JAKMIP1: variants seen among roughly 807,000 people sequenced by gnomAD.
JAKMIP1 encodes the protein janus kinase and microtubule-interacting protein 1.
A neutral mutation model predicts 113.0 loss-of-function variants in JAKMIP1; 33 were observed. The observed-to-expected ratio is 0.29, with a 90% CI of 0.22 to 0.39. The LOEUF is 0.39. JAKMIP1 is among the 10% of genes least tolerant of loss of function. JAKMIP1 has a pLI of 1.00. For missense variants in JAKMIP1, 813 were observed against 1,080.5 expected, an observed-to-expected ratio of 0.75 and a Z score of 3.47; for synonymous variants, 480 against 459.9, an observed-to-expected ratio of 1.04 and a Z score of -0.56.
chr4:6,090,305 C>T (rs973670708), intron 3 of JAKMIP1, among the ~76,000 whole-genome samples: 1 of 152,006 alleles, frequency 6.6e-6, no homozygotes, highest in Non-Finnish European at 1.5e-5. Flanking sequence ...TGAAGTGGTG[C>T]GACTGCAAGT....
At position 6,138,648 on chromosome 4, in the gene JAKMIP1, A is replaced by G. The variant is rs1560256884; in HGVS notation, c.-147-25651T>C. Among the ~76,000 whole-genome samples the G allele has an allele frequency of 6.6e-6, 1 of 152,068 alleles. No homozygotes were observed. Among genetic ancestry groups the G allele is most frequent in the Non-Finnish European group, 1.5e-5 (1 of 68,022 alleles). On this transcript the variant is annotated intron_variant, in intron 1 of 20. Coordinates refer to ENST00000409021, the MANE Select transcript of JAKMIP1 (RefSeq NM_001099433.2). The surrounding 1 kb of genome is among the most constrained non-coding windows in gnomAD (Gnocchi z 6.0). ...ACAGACAGACCCTCCACACACCTAC[A>G]TCCACTGGCAGAACTTCACGTTCTA...
At chr4:6,104,674 G>A (rs974262402) in intron 3 of JAKMIP1, among the ~76,000 whole-genome samples, 3 of 152,316 alleles carry the variant, frequency 2.0e-5, no homozygotes, top group African/African-American at 4.8e-5. Context: ...TGTGACAAAC[G>A]CCCTGAGGGG....
rs765291932 is a variant in JAKMIP1, at chr4:6,064,861, T to A, written c.1431+19A>T. The A allele has an allele frequency of 6.2e-7, 1 of 1,613,750 alleles. No individual in the cohort carries two copies. The highest frequency in any genetic ancestry group is 8.5e-7 in the Non-Finnish European group (1 of 1,179,970). On this transcript the variant is annotated intron_variant, in intron 9 of 20. Coordinates refer to ENST00000409021, the MANE Select transcript of JAKMIP1 (RefSeq NM_001099433.2). This position sits in a 1 kb window ranked among gnomAD's most constrained non-coding sequence, Gnocchi z 4.3. Reference sequence around the variant, plus strand: ...GAGCATCTGGGGTGAGGTCCCGCCCTCTCTGCAGGTTTGCTTACATCGTCC... The same window carrying A: ...GAGCATCTGGGGTGAGGTCCCGCCCACTCTGCAGGTTTGCTTACATCGTCC...
chr4:6,148,142 A>C (rs1285491319), intron 1 of JAKMIP1, among the ~76,000 whole-genome samples: 1 of 152,222 alleles, frequency 6.6e-6, no homozygotes, highest in African/African-American at 2.4e-5. Context: ...AGCTTTCTGA[A>C]GATGTCCTGG....
chr4:6,046,507 C>T (rs1012006331), intron 16 of JAKMIP1, among the ~76,000 whole-genome samples: 1 of 152,056 alleles, frequency 6.6e-6, no homozygotes, highest in Non-Finnish European at 1.5e-5. Flanking sequence ...TGGCACAGCT[C>T]TCTAGCACGT....
intron 1 of JAKMIP1, among the ~76,000 whole-genome samples, chr4:6,182,141 G>A (rs755716526): frequency 4.6e-5 from 7 of 152,060 alleles, no homozygotes; most frequent in Non-Finnish European, 8.8e-5. Context: ...AACCAGGCTC[G>A]GTGGCTCACA....
At chr4:6,190,021 C>A (rs1727076682) in intron 1 of JAKMIP1, among the ~76,000 whole-genome samples, 1 of 152,198 alleles carries the variant, frequency 6.6e-6, no homozygotes, top group African/African-American at 2.4e-5. Context: ...TGCCCCTGGG[C>A]CTGTCTGAAT....
At position 6,158,329 on chromosome 4, in the gene JAKMIP1, G is replaced by A. The variant is rs1722503498; in HGVS notation, c.-148+41924C>T. 6.6e-6 allele frequency among the ~76,000 whole-genome samples: 1 copy of A among 152,212 alleles called. No individual in the cohort carries two copies. The highest frequency in any genetic ancestry group is 1.5e-5 in the Non-Finnish European group (1 of 68,032). ...ATCATAGGGATGGTAGTGGGATGGG[G>A]TGGTGTCTGCCTCCCAGTCTGTATC... On this transcript the variant is annotated intron_variant, in intron 1 of 20. Transcript: ENST00000409021. The surrounding 1 kb of genome is among the most constrained non-coding windows in gnomAD (Gnocchi z 5.3).
intron 1 of JAKMIP1, among the ~76,000 whole-genome samples, chr4:6,152,562 T>C (rs777281783): frequency 6.6e-6 from 1 of 152,148 alleles, no homozygotes; most frequent in Non-Finnish European, 1.5e-5. Context: ...ATGTGACCCT[T>C]TAACCCCTAT....
In JAKMIP1 at chr4:6,139,557, G is replaced by C. The variant is rs1411163026; in HGVS notation, c.-147-26560C>G. 6.6e-6 allele frequency among the ~76,000 whole-genome samples: 1 copy of C among 151,978 alleles called. No homozygotes were observed. Among genetic ancestry groups the C allele is most frequent in the Non-Finnish European group, 1.5e-5 (1 of 68,018 alleles). On this transcript the variant is annotated intron_variant, in intron 1 of 20. Coordinates refer to ENST00000409021, the MANE Select transcript of JAKMIP1 (RefSeq NM_001099433.2). The surrounding 1 kb of genome is among the most constrained non-coding windows in gnomAD (Gnocchi z 5.2). ...CTGAGGCAGGCGGATCACAAAGTCA[G>C]GAGTTCGAGACCAACCTGGCCAACA... is the stretch of plus-strand genomic sequence containing the variant.
chr4:6,079,064 C>G lies in JAKMIP1; in HGVS notation c.1243-66G>C, dbSNP rs1411091695. ...ACATCTCACAAACCAAAGCCACTGG[C>G]TCTCAAAGGGAGCTGGGCCTGCCCA... On this transcript the variant is annotated intron_variant, in intron 7 of 20. Transcript: ENST00000409021. 3.2e-6 allele frequency: 5 copies of G among 1,575,036 alleles called. No homozygotes were observed. The Admixed American group carries it at 8.4e-5, about 27-fold the overall frequency.
At chr4:6,125,754 ACACACG>A (rs1482840418) in intron 1 of JAKMIP1, among the ~76,000 whole-genome samples, 2 of 143,082 alleles carry the variant, frequency 1.4e-5, no homozygotes, top group Admixed American at 7.0e-5. Flanking sequence ...ATACAGAAAC[ACACACG>A]CACACCATAC....
intron 20 of JAKMIP1, among the ~76,000 whole-genome samples, chr4:6,026,866 A>ATTTTT (rs370379960): frequency 0.018 from 2,493 of 140,506 alleles, 34 homozygotes; most frequent in Non-Finnish European, 0.03. Flanking sequence ...ATTTCTTTGC[A>ATTTTT]TTTTTTTTTT....
intron 3 of JAKMIP1, among the ~76,000 whole-genome samples, chr4:6,090,326 C>T (rs953515861): frequency 9.1e-4 from 138 of 152,216 alleles, no homozygotes; most frequent in African/African-American, 3.1e-3. Flanking sequence ...CAAGAAATGC[C>T]GAGGACTGCC....
At position 6,140,295 on chromosome 4, in the gene JAKMIP1, G is replaced by A. The variant is rs1012169210; in HGVS notation, c.-147-27298C>T. Reference sequence around the variant, plus strand: ...TGGGGAGGGACTTTCACCAACATTTGTGTGATACACATCTTCCCACATAAA... The same window carrying A: ...TGGGGAGGGACTTTCACCAACATTTATGTGATACACATCTTCCCACATAAA... On this transcript the variant is annotated intron_variant, in intron 1 of 20. Transcript: ENST00000409021. This position sits in a 1 kb window ranked among gnomAD's most constrained non-coding sequence, Gnocchi z 9.4. Among the ~76,000 whole-genome samples, 10 of 129,448 alleles carry A rather than the reference G, an allele frequency of 7.7e-5. No homozygotes were observed. Among genetic ancestry groups the A allele is most frequent in the Non-Finnish European group, 1.6e-4 (10 of 61,756 alleles). The allele number at this position is 129,448 out of a possible 152,430, so 84.9% of individuals were successfully genotyped here. A position where few individuals can be genotyped will look rare whatever the true frequency, so the allele number is the denominator to read the frequency against.
rs773918101 is a variant in JAKMIP1 at position 6,188,119 on chromosome 4, A to G, written c.-148+12134T>C. Among the ~76,000 whole-genome samples the G allele has an allele frequency of 7.2e-5, 11 of 152,130 alleles. No homozygotes were observed. Among genetic ancestry groups the G allele is most frequent in the Non-Finnish European group, 1.3e-4 (9 of 68,020 alleles). On this transcript the variant is annotated intron_variant, in intron 1 of 20. Transcript: ENST00000409021. This position sits in a 1 kb window ranked among gnomAD's most constrained non-coding sequence, Gnocchi z 5.8. The stretch of plus-strand genomic sequence containing the variant: ...TTTTGGTTCCAGTAAATGGGAGCCA[A>G]TCAATTATTTATCCAAGAGTCTCTG...
chr4:6,039,293 T>C (rs1237523932), intron 18 of JAKMIP1, among the ~76,000 whole-genome samples: 1 of 152,088 alleles, frequency 6.6e-6, no homozygotes, highest in Admixed American at 6.5e-5. Context: ...AGATGTCCCT[T>C]GAAAAAAGGT....
At position 6,051,031 on chromosome 4, in the gene JAKMIP1, C is replaced by T. The variant is rs995659643; in HGVS notation, c.1807-352G>A. Among the ~76,000 whole-genome samples the T allele has an allele frequency of 4.6e-5, 7 of 152,176 alleles. No individual in the cohort carries two copies. Among genetic ancestry groups the T allele is most frequent in the African/African-American group, 1.7e-4 (7 of 41,434 alleles). On this transcript the variant is annotated intron_variant, in intron 13 of 20. Coordinates refer to ENST00000409021, the MANE Select transcript of JAKMIP1 (RefSeq NM_001099433.2). This position sits in a 1 kb window ranked among gnomAD's most constrained non-coding sequence, Gnocchi z 5.0. ...TTGAATAGACAGCAAAAGCCACCAA[C>T]TATGGTTTATTACTCTGTGCCAGGC...
intron 3 of JAKMIP1, 124 bp downstream of exon 3, chr4:6,105,349 G>T: frequency 1.1e-6 from 1 of 945,400 alleles, no homozygotes; most frequent in Non-Finnish European, 1.5e-6. Context: ...GAGGGAGGTT[G>T]CTGGGGCCCC....
Sources: gnomAD v4.1 joint callset for allele counts (sites outside exome capture counted in the v4.1 genomes callset) on GRCh38, gnomAD v4.1.1 for gene constraint, Gnocchi (gnomAD v3.1) non-coding constraint, MANE v1.5 for transcripts, NCBI Gene and HGNC (gene_info 2026-07-23, HGNC 2026-07-21) for gene names.